CENPP: variants seen among roughly 807,000 people sequenced by gnomAD.
CENPP encodes centromere protein P.
In CENPP, 24 loss-of-function variants were observed where a neutral mutation model predicts 35.6. The ratio of observed to expected loss-of-function variants is 0.67; its 90% confidence interval spans 0.49 to 0.95. The LOEUF is 0.95. CENPP is among the 40% of genes least tolerant of loss of function. The pLI is 0.00. For missense variants in CENPP, 332 were observed against 345.3 expected (o/e 0.96, Z 0.31); for synonymous variants, 120 against 125.5 (o/e 0.96, Z 0.29).
At chr9:92,357,967 G>C (rs1238530931) in intron 4 of CENPP, among the ~76,000 whole-genome samples, 1 of 152,002 alleles carries the variant, frequency 6.6e-6, no homozygotes, top group Non-Finnish European at 1.5e-5. Flanking sequence ...TATGTGACCA[G>C]TCTCTTTTCT....
At chr9:92,553,419 A>G (rs1849656214) in intron 5 of CENPP, among the ~76,000 whole-genome samples, 1 of 151,960 alleles carries the variant, frequency 6.6e-6, no homozygotes, top group African/African-American at 2.4e-5. Context: ...GAATTTTAGA[A>G]TTGTTTTTTC....
intron 5 of CENPP, among the ~76,000 whole-genome samples, chr9:92,397,493 A>AT (rs1055629238): frequency 2.0e-5 from 3 of 151,804 alleles, no homozygotes; most frequent in East Asian, 3.9e-4. Flanking sequence ...TGCCCAGCTA[A>AT]TTTTTTTTGT....
chr9:92,601,149 A>G (rs1019199387), intron 5 of CENPP, among the ~76,000 whole-genome samples: 1 of 152,226 alleles, frequency 6.6e-6, no homozygotes, highest in African/African-American at 2.4e-5. Context: ...TAGCCACTGC[A>G]TTCCTTTCTG....
At chr9:92,481,812 G>A (rs563254924) in intron 5 of CENPP, among the ~76,000 whole-genome samples, 19 of 152,038 alleles carry the variant, frequency 1.2e-4, no homozygotes, top group Non-Finnish European at 2.1e-4. Flanking sequence ...ATATTCAAAT[G>A]TATAAGTAAA....
intron 5 of CENPP, chr9:92,417,524 A>G: frequency 6.2e-7 from 1 of 1,606,516 alleles, no homozygotes; most frequent in Non-Finnish European, 8.5e-7. Flanking sequence ...TCCAAAAAAG[A>G]AGAAAATAAC....
At chr9:92,574,013 TAGGAA>T (rs1408273266) in intron 5 of CENPP, among the ~76,000 whole-genome samples, 1 of 152,142 alleles carries the variant, frequency 6.6e-6, no homozygotes, top group African/African-American at 2.4e-5. Flanking sequence ...TTCCCTTGGC[TAGGAA>T]AGGGAATTCC....
intron 5 of CENPP, chr9:92,527,925 C>T (rs2131267772): frequency 6.5e-6 from 1 of 154,128 alleles, no homozygotes; most frequent in South Asian, 2.0e-4. Flanking sequence ...ATTGCCATAA[C>T]AACATTCCTA....
intron 5 of CENPP, chr9:92,505,491 C>A: frequency 6.7e-7 from 1 of 1,492,678 alleles, no homozygotes; most frequent in South Asian, 1.3e-5. Flanking sequence ...TACCATATTT[C>A]AAATATAATA....
At chr9:92,378,592 G>A (rs1206125132) in intron 4 of CENPP, among the ~76,000 whole-genome samples, 2 of 152,068 alleles carry the variant, frequency 1.3e-5, no homozygotes, top group African/African-American at 4.8e-5. Flanking sequence ...TATAGTTAAC[G>A]GAAGCATTGG....
intron 5 of CENPP, among the ~76,000 whole-genome samples, chr9:92,606,541 A>C (rs1207154731): frequency 6.6e-6 from 1 of 152,246 alleles, no homozygotes; most frequent in African/African-American, 2.4e-5. Context: ...TAACCAAGGG[A>C]AATGAAAATA....
intron 5 of CENPP, among the ~76,000 whole-genome samples, chr9:92,533,328 A>T (rs867983007): frequency 0.067 from 2,489 of 37,388 alleles, 52 homozygotes; most frequent in African/African-American, 0.12. Context: ...AAAAAAAAAA[A>T]ATATATATAT....
rs565124249 is a variant in CENPP at position 92,552,924 on chromosome 9, A to G, written c.565-58390A>G. 7.3e-5 allele frequency among the ~76,000 whole-genome samples: 11 copies of G among 150,054 alleles called. No individual in the cohort carries two copies. In the South Asian group the frequency reaches 2.1e-3, roughly 29 times the overall value. ...GAAATCCTTGCCTAGGCCAATGTCT[A>G]TTTATTTATTTTATTTTTTCCTCTT... On this transcript the variant is annotated intron_variant, in intron 5 of 7. Coordinates refer to ENST00000375587, the MANE Select transcript of CENPP (RefSeq NM_001012267.3).
chr9:92,570,189 A>G (rs1850098227), intron 5 of CENPP, among the ~76,000 whole-genome samples: 1 of 152,060 alleles, frequency 6.6e-6, no homozygotes, highest in Non-Finnish European at 1.5e-5. Context: ...TAGTCTGCCC[A>G]TTCAGTATGA....
chr9:92,605,283 C>A (rs1209673822), intron 5 of CENPP, among the ~76,000 whole-genome samples: 1 of 152,176 alleles, frequency 6.6e-6, no homozygotes, highest in Non-Finnish European at 1.5e-5. Flanking sequence ...ACCACTGCGC[C>A]CAGCCCCTTA....
At chr9:92,509,819 A>G in intron 5 of CENPP, 2 of 1,397,054 alleles carry the variant, frequency 1.4e-6, no homozygotes, top group Non-Finnish European at 1.9e-6. Context: ...TCATTTGGCA[A>G]TACAGTAAAT....
chr9:92,600,264 T>TCTCCTGCCCTGG, intron 5 of CENPP: 1 of 1,401,428 alleles, frequency 7.1e-7, no homozygotes, highest in Non-Finnish European at 9.3e-7. Flanking sequence ...TCATTTGCTG[T>TCTCCTGCCCTGG]CTCCTGCCCT....
chr9:92,529,924 G>A (rs571799799), intron 5 of CENPP, among the ~76,000 whole-genome samples: 11 of 152,258 alleles, frequency 7.2e-5, no homozygotes, highest in Admixed American at 6.5e-4. Flanking sequence ...AGCGAAAAAT[G>A]TAGTTTGGCC....
At chr9:92,599,781 T>C (rs1007555353) in intron 5 of CENPP, among the ~76,000 whole-genome samples, 1 of 152,152 alleles carries the variant, frequency 6.6e-6, no homozygotes, top group Non-Finnish European at 1.5e-5. Context: ...GAGAAAGCAC[T>C]ATTAAAAGTA....
chr9:92,588,376 T>A (rs964591003), intron 5 of CENPP, among the ~76,000 whole-genome samples: 2 of 151,048 alleles, frequency 1.3e-5, no homozygotes, highest in African/African-American at 4.9e-5. Context: ...GTCTCCCGAG[T>A]AGCTGGGACT....
Sources: gnomAD v4.1 joint callset for allele counts (sites outside exome capture counted in the v4.1 genomes callset) on GRCh38, gnomAD v4.1.1 for gene constraint, MANE v1.5 for transcripts, NCBI Gene and HGNC (gene_info 2026-07-23, HGNC 2026-07-21) for gene names.